The following SAMD5 variants were observed in gnomAD, a reference collection of about 807,000 sequenced individuals.
SAMD5 encodes sterile alpha motif domain containing 5.
SAMD5 carries 13 observed loss-of-function variants against 11.3 expected under a neutral mutation model. The ratio of observed to expected loss-of-function variants is 1.15; its 90% CI spans 0.75 to 1.83. The LOEUF (loss-of-function observed/expected upper bound fraction) is 1.83. Ranked by LOEUF, SAMD5 falls within the 40% of genes most tolerant of loss-of-function variation. The pLI, the probability that SAMD5 is intolerant of heterozygous loss-of-function variation, is 0.00. For missense variants in SAMD5, 255 were observed against 239.1 expected, an observed-to-expected ratio of 1.07 and a Z score of -0.44; for synonymous variants, 129 against 111.3, an observed-to-expected ratio of 1.16 and a Z score of -1.00.
downstream of SAMD5, among the ~76,000 whole-genome samples, chr6:147,739,649 T>G (rs910076243): frequency 5.3e-5 from 8 of 152,216 alleles, no homozygotes; most frequent in East Asian, 1.5e-3. Context: ...AAAGAGATTT[T>G]TAGTACTGTC....
At chr6:147,947,376 T>C in the SAMD5 span, 1 of 152,220 alleles carries the variant, frequency 6.6e-6, no homozygotes, top group Non-Finnish European at 1.5e-5. Flanking sequence ...ATTGAGAGAA[T>C]ACTGGCAATA....
At chr6:147,732,160 C>A (rs773581177) in intron 1 of SAMD5, among the ~76,000 whole-genome samples, 4 of 152,290 alleles carry the variant, frequency 2.6e-5, no homozygotes, top group African/African-American at 7.2e-5. Context: ...CATCAGCCAG[C>A]CAGCATCCCT....
Position 147,629,839 on chromosome 6 carries a change from G to A in SAMD5, c.163-107478G>A, listed in dbSNP as rs886883263. ...CAGCTTCGAGTGGATAAGGGAAGGT[G>A]TGATGACTACCCTTTGAACCTTCAG... On this transcript the variant is annotated intron_variant, in intron 1 of 1. Coordinates refer to the SAMD5 transcript ENST00000566741. 5.9e-5 allele frequency among the ~76,000 whole-genome samples: 9 copies of A among 152,236 alleles called. No individual in the cohort carries two copies. In the South Asian group the frequency reaches 1.5e-3, roughly 25 times the overall value.
intron 1 of SAMD5, among the ~76,000 whole-genome samples, chr6:147,648,738 G>A (rs962334005): frequency 3.3e-5 from 5 of 152,200 alleles, no homozygotes; most frequent in Admixed American, 6.5e-5. Context: ...GCATCTGCAA[G>A]TCATCAAGAA....
the SAMD5 span, among the ~76,000 whole-genome samples, chr6:147,935,216 TC>T: frequency 6.6e-6 from 1 of 152,154 alleles, no homozygotes; most frequent in Admixed American, 6.5e-5. Flanking sequence ...TGCTACTACA[TC>T]CTAGGTATGT....
chr6:147,810,852 C>G, the SAMD5 span, among the ~76,000 whole-genome samples: 2 of 152,112 alleles, frequency 1.3e-5, no homozygotes, highest in African/African-American at 4.8e-5. Flanking sequence ...GAGTCCACTC[C>G]CTGCCCTGGG....
chr6:147,707,863 G>A (rs1791345667), intron 1 of SAMD5, among the ~76,000 whole-genome samples: 1 of 152,260 alleles, frequency 6.6e-6, no homozygotes, highest in Non-Finnish European at 1.5e-5. Flanking sequence ...ATGAGGCTGG[G>A]GATGAGGGGG....
chr6:147,951,271 T>C, the SAMD5 span, among the ~76,000 whole-genome samples: 2 of 151,876 alleles, frequency 1.3e-5, no homozygotes, highest in Admixed American at 1.3e-4. Context: ...AAGCTCCGCC[T>C]TCCGGGTTCA....
chr6:147,947,929 T>G, the SAMD5 span, among the ~76,000 whole-genome samples: 2 of 152,166 alleles, frequency 1.3e-5, no homozygotes, highest in Non-Finnish European at 2.9e-5. Flanking sequence ...TTACGTATAC[T>G]GTGTTACTCC....
intron 1 of SAMD5, among the ~76,000 whole-genome samples, chr6:147,691,794 C>A (rs981015711): frequency 6.6e-6 from 1 of 152,172 alleles, no homozygotes; most frequent in Admixed American, 6.5e-5. Context: ...GAAATCAAGG[C>A]CAATGTCACA....
At chr6:147,824,226 A>G in the SAMD5 span, among the ~76,000 whole-genome samples, 2 of 152,188 alleles carry the variant, frequency 1.3e-5, no homozygotes, top group Non-Finnish European at 2.9e-5. Context: ...TGATAAACTG[A>G]TCTCTCTTAA....
chr6:147,727,533 T>G lies in SAMD5; in HGVS notation c.163-9784T>G, dbSNP rs891004591. Among the ~76,000 whole-genome samples the G allele has an allele frequency of 3.9e-5, 6 of 152,234 alleles. 1 individual carries two copies. In the South Asian group the frequency reaches 1.2e-3, roughly 31 times the overall value. ...TCAGGGTTCAGCACAAGGGAGGCAC[T>G]CAGTAAGTTATTAGCCAATGAATGT... On this transcript the variant is annotated intron_variant, in intron 1 of 1. Transcript: ENST00000566741.
chr6:147,819,872 G>T, the SAMD5 span, among the ~76,000 whole-genome samples: 12 of 152,178 alleles, frequency 7.9e-5, no homozygotes, highest in African/African-American at 2.9e-4. Context: ...GGAGAGGCAG[G>T]GTGTCAGCAG....
chr6:147,682,875 A>G (rs1178794028), intron 1 of SAMD5, among the ~76,000 whole-genome samples: 1 of 152,200 alleles, frequency 6.6e-6, no homozygotes, highest in African/African-American at 2.4e-5. Flanking sequence ...TCATACTTGT[A>G]GAAATACCTT....
At chr6:147,875,004 AT>A in the SAMD5 span, among the ~76,000 whole-genome samples, 8 of 152,224 alleles carry the variant, frequency 5.3e-5, no homozygotes, top group African/African-American at 1.9e-4. Context: ...CTATTTCCGC[AT>A]GTTACTGTTT....
At chr6:147,627,831 T>C (rs1790082550) in intron 1 of SAMD5, among the ~76,000 whole-genome samples, 1 of 152,198 alleles carries the variant, frequency 6.6e-6, no homozygotes, top group Non-Finnish European at 1.5e-5. Context: ...GTGGCAAAAA[T>C]GAAACTTTAT....
chr6:147,639,016 C>CT (rs1790272349), intron 1 of SAMD5, among the ~76,000 whole-genome samples: 1 of 152,146 alleles, frequency 6.6e-6, no homozygotes. Flanking sequence ...TTTGGCTGAC[C>CT]TGGGTGAGTT....
At chr6:147,945,698 C>G in the SAMD5 span, among the ~76,000 whole-genome samples, 1 of 152,070 alleles carries the variant, frequency 6.6e-6, no homozygotes, top group Non-Finnish European at 1.5e-5. Context: ...GCAGAGTAAA[C>G]AGTGGCAGGA....
At chr6:147,648,565 T>C (rs1790437393) in intron 1 of SAMD5, among the ~76,000 whole-genome samples, 1 of 152,182 alleles carries the variant, frequency 6.6e-6, no homozygotes, top group African/African-American at 2.4e-5. Context: ...TCATCCTCCT[T>C]TTAGCTGATG....
Sources: allele counts gnomAD v4.1 joint callset (sites outside exome capture counted in the v4.1 genomes callset), GRCh38; gene constraint gnomAD v4.1.1; transcripts MANE v1.5; gene names NCBI Gene and HGNC (gene_info 2026-07-23, HGNC 2026-07-21).